Variants in CDKN2B-AS1 observed in about 807,000 individuals in gnomAD.
CDKN2B-AS1 encodes the protein CDKN2B antisense RNA 1 (non-protein coding).
intron 4 of CDKN2B-AS1, among the ~76,000 whole-genome samples, chr9:22,073,955 C>G (rs1248712009): frequency 6.6e-6 from 1 of 151,876 alleles, no homozygotes; most frequent in Non-Finnish European, 1.5e-5. Context: ...CCTCTGGCTC[C>G]CAGATTCAGG....
At chr9:22,084,782 A>G (rs1368647978) in intron 4 of CDKN2B-AS1, among the ~76,000 whole-genome samples, 1 of 152,198 alleles carries the variant, frequency 6.6e-6, no homozygotes, top group Admixed American at 6.5e-5. Flanking sequence ...TGTAAGAATG[A>G]GTAGGGCTGT....
At chr9:22,053,822 T>TCTTGTAGACCGTCTTGTAGAC (rs1823450041) in intron 3 of CDKN2B-AS1, among the ~76,000 whole-genome samples, 1 of 152,198 alleles carries the variant, frequency 6.6e-6, no homozygotes, top group South Asian at 2.1e-4. Flanking sequence ...TCCTCCTTGA[T>TCTTGTAGACCGTCTTGTAGAC]GTCTTGTAGA....
At chr9:22,010,562 T>C (rs866466222) in intron 1 of CDKN2B-AS1, among the ~76,000 whole-genome samples, 2 of 152,086 alleles carry the variant, frequency 1.3e-5, no homozygotes, top group African/African-American at 2.4e-5. Flanking sequence ...CAAATCCCTG[T>C]AGAATTAAAA....
chr9:22,121,588 G>A (rs530774646), intron 4 of CDKN2B-AS1, among the ~76,000 whole-genome samples: 2 of 151,834 alleles, frequency 1.3e-5, no homozygotes, highest in East Asian at 3.9e-4. Context: ...AGTATCCTCT[G>A]TTCTACTTTT....
chr9:22,099,267 G>A (rs376242003), intron 4 of CDKN2B-AS1, among the ~76,000 whole-genome samples: 46 of 152,126 alleles, frequency 3.0e-4, no homozygotes, highest in African/African-American at 9.9e-4. Context: ...AAAGGAGGCC[G>A]GAAATGGGAA....
chr9:22,098,228 A>T (rs572847204), intron 4 of CDKN2B-AS1, among the ~76,000 whole-genome samples: 1 of 151,356 alleles, frequency 6.6e-6, no homozygotes, highest in Non-Finnish European at 1.5e-5. Context: ...GTGTATATTT[A>T]TATATGTGTG....
At chr9:22,054,633 A>G (rs1199277661) in intron 3 of CDKN2B-AS1, among the ~76,000 whole-genome samples, 3 of 151,844 alleles carry the variant, frequency 2.0e-5, no homozygotes, top group Admixed American at 6.5e-5. Context: ...AATCAAATCC[A>G]TATCCTTTCT....
At chr9:22,126,610 C>A (rs1300237098) in intron 4 of CDKN2B-AS1, among the ~76,000 whole-genome samples, 1 of 132,640 alleles carries the variant, frequency 7.5e-6, no homozygotes, top group African/African-American at 3.1e-5. Context: ...CGGAGTCTCG[C>A]TCGCCCAGGC....
Position 22,001,860 on chromosome 9 carries a change from C to A in CDKN2B-AS1, n.29+6699C>A, listed in dbSNP as rs1820931482. Among the ~76,000 whole-genome samples, 1 of 152,024 alleles carries A rather than the reference C, an allele frequency of 6.6e-6. No homozygotes were observed. Among genetic ancestry groups the A allele is most frequent in the Non-Finnish European group, 1.5e-5 (1 of 67,932 alleles). On this transcript the variant is annotated intron_variant and non_coding_transcript_variant, in intron 1 of 4. Coordinates refer to ENST00000650946, the Ensembl canonical transcript of CDKN2B-AS1. The surrounding 1 kb of genome is among the most constrained non-coding windows in gnomAD (Gnocchi z 4.2). ...CTCATATATTGAATTAGTTAAGGAA[C>A]CAATGTGGGAATCTAGGTCTTCTAT...
intron 1 of CDKN2B-AS1, among the ~76,000 whole-genome samples, chr9:22,010,792 T>A (rs972431271): frequency 1.1e-4 from 17 of 152,368 alleles, no homozygotes; most frequent in African/African-American, 4.1e-4. Context: ...TGCTCTTGTT[T>A]TGACCTTTGA....
At chr9:22,008,717 C>T (rs1821322663) in intron 1 of CDKN2B-AS1, 1 of 1,611,592 alleles carries the variant, frequency 6.2e-7, no homozygotes, top group African/African-American at 1.3e-5. Context: ...CATCGGCGAT[C>T]TAGGTTCCAG....
chr9:22,110,063 G>A (rs2131366235), intron 4 of CDKN2B-AS1, among the ~76,000 whole-genome samples: 1 of 152,150 alleles, frequency 6.6e-6, no homozygotes, highest in South Asian at 2.1e-4. Context: ...AATTGTATGA[G>A]GTGATGGTTA....
intron 4 of CDKN2B-AS1, among the ~76,000 whole-genome samples, chr9:22,073,136 A>G (rs1291479992): frequency 3.3e-5 from 5 of 152,164 alleles, no homozygotes; most frequent in Admixed American, 3.3e-4. Context: ...TACTGCCTTC[A>G]TACTTTTATA....
chr9:22,031,624 A>C (rs1036338416), intron 1 of CDKN2B-AS1, among the ~76,000 whole-genome samples: 1 of 152,232 alleles, frequency 6.6e-6, no homozygotes, highest in African/African-American at 2.4e-5. Context: ...ATATAGGTCA[A>C]TATGAAAAAA....
rs114224360 is a variant in CDKN2B-AS1, at chr9:22,110,784, C to T, written n.439-16319C>T. Reference sequence around the variant, plus strand: ...CTGTATTTCCTCCCCAATCTCATCCCGCTCCTACTCTTGAAAGTGATCACT... The same window carrying T: ...CTGTATTTCCTCCCCAATCTCATCCTGCTCCTACTCTTGAAAGTGATCACT... On this transcript the variant is annotated intron_variant and non_coding_transcript_variant, in intron 4 of 4. Coordinates refer to ENST00000650946, the Ensembl canonical transcript of CDKN2B-AS1. Among the ~76,000 whole-genome samples the T allele has an allele frequency of 4.0e-3, 614 of 152,164 alleles. 8 individuals carry two copies. Among genetic ancestry groups the T allele is most frequent in the African/African-American group, 0.014 (579 of 41,530 alleles).
chr9:22,049,114 C>T (rs1322875786), exon 3 of CDKN2B-AS1: 3 of 152,162 alleles, frequency 2.0e-5, no homozygotes, highest in Non-Finnish European at 4.4e-5. Context: ...AGGGTTCAAG[C>T]ATCACTGTTA....
chr9:22,104,466 T>A (rs1825590758), intron 4 of CDKN2B-AS1, among the ~76,000 whole-genome samples: 1 of 152,158 alleles, frequency 6.6e-6, no homozygotes, highest in South Asian at 2.1e-4. Flanking sequence ...AGAAATAATG[T>A]TTGTGGTACT....
intron 4 of CDKN2B-AS1, among the ~76,000 whole-genome samples, chr9:22,089,964 C>T (rs1365577089): frequency 2.7e-5 from 4 of 148,252 alleles, no homozygotes; most frequent in Admixed American, 2.0e-4. Context: ...TCTCCTAATG[C>T]TATCCCTCCC....
In CDKN2B-AS1 at chr9:21,995,726, G is replaced by A. The variant is rs1039383079; in HGVS notation, n.29+565G>A. ...CAGCCGGAGAATGCGGAGGAGCCGG[G>A]TCCTGAGCGCGGTCTAAGCGAGGCT... is the stretch of plus-strand genomic sequence containing the variant. On this transcript the variant is annotated intron_variant and non_coding_transcript_variant, in intron 1 of 4. Coordinates refer to ENST00000650946, the Ensembl canonical transcript of CDKN2B-AS1. This position sits in a 1 kb window ranked among gnomAD's most constrained non-coding sequence, Gnocchi z 5.7. 1.3e-5 allele frequency: 2 copies of A among 152,446 alleles called. No individual in the cohort carries two copies. Among genetic ancestry groups the A allele is most frequent in the Non-Finnish European group, 2.9e-5 (2 of 68,216 alleles). The allele number at this position is 152,446 out of a possible 1,614,324, so 9.4% of individuals were successfully genotyped here. A position where few individuals can be genotyped will look rare whatever the true frequency, so the allele number is the denominator to read the frequency against.
Sources: gnomAD v4.1 joint callset for allele counts (sites outside exome capture counted in the v4.1 genomes callset) on GRCh38, gnomAD v4.1.1 for gene constraint, Gnocchi (gnomAD v3.1) non-coding constraint, MANE v1.5 for transcripts, NCBI Gene and HGNC (gene_info 2026-07-23, HGNC 2026-07-21) for gene names.